Variants in FAT3 observed in about 807,000 individuals in gnomAD.
FAT3 encodes the protein FAT atypical cadherin 3, also known as protocadherin Fat 3.
Under a neutral mutation model 310.2 loss-of-function variants are expected in FAT3, and 95 were observed. The observed-to-expected ratio is 0.31, with a 90% confidence interval of 0.26 to 0.36. FAT3 has a LOEUF of 0.36. Ranked by LOEUF, FAT3 falls within the 10% of genes least tolerant of loss-of-function variation. The pLI, the probability that FAT3 is intolerant of heterozygous loss-of-function variation, is 1.00. For missense variants in FAT3, 5,408 were observed against 5,715.6 expected (o/e 0.95, Z 1.74); for synonymous variants, 2,314 against 2,192.9 (o/e 1.06, Z -1.54).
At chr11:92,281,946 C>A (rs1222542372) in intron 1 of FAT3, among the ~76,000 whole-genome samples, 2 of 152,136 alleles carry the variant, frequency 1.3e-5, no homozygotes, top group East Asian at 3.9e-4. Flanking sequence ...CTCTCTCTTG[C>A]CCAGACTAGA....
intron 3 of FAT3, among the ~76,000 whole-genome samples, chr11:92,564,478 C>T (rs901809664): frequency 1.8e-4 from 27 of 150,734 alleles, no homozygotes; most frequent in Non-Finnish European, 3.1e-4. Context: ...GACAGATCAA[C>T]GAGACAGAAA....
chr11:92,563,444 T>G (rs960202883), intron 3 of FAT3, among the ~76,000 whole-genome samples: 9 of 152,196 alleles, frequency 5.9e-5, no homozygotes, highest in African/African-American at 2.2e-4. Flanking sequence ...TTAGTCAACT[T>G]CAGACACTAC....
chr11:92,561,677 G>A (rs1423339572), intron 3 of FAT3, among the ~76,000 whole-genome samples: 7 of 151,898 alleles, frequency 4.6e-5, no homozygotes, highest in Non-Finnish European at 8.8e-5. Flanking sequence ...CCAGGCTGGA[G>A]TGCAGTGGCA....
At chr11:92,435,741 A>G (rs1950922508) in intron 2 of FAT3, among the ~76,000 whole-genome samples, 1 of 151,524 alleles carries the variant, frequency 6.6e-6, no homozygotes, top group Non-Finnish European at 1.5e-5. Flanking sequence ...TAATTGTTGT[A>G]TTTTTAGTAG....
chr11:92,801,075 A>G lies in FAT3; in HGVS notation c.8062A>G (p.Lys2688Glu). The G allele has an allele frequency of 3.1e-6, 5 of 1,613,872 alleles. No homozygotes were observed. Among genetic ancestry groups the G allele is most frequent in the Non-Finnish European group, 4.2e-6 (5 of 1,179,852 alleles). The change falls in exon 10 of 28, where the codon AAG (lysine) becomes GAG (glutamate). Residue 2688 changes from lysine to glutamate, a missense_variant. By Grantham distance (56) the Lys-to-Glu change is moderately conservative. Around this residue, in one of 5 missense-constraint regions of FAT3, gnomAD observed 4,588 missense variants for 4,809.8 expected, o/e 0.95. Transcript: ENST00000525166. ...VKAVDGGIPV[K>E]HSLIPVYIHV... ...AGCAGTAGATGGGGGCATCCCAGTA[A>G]AGCACTCCCTCATTCCTGTCTATAT...
intron 3 of FAT3, among the ~76,000 whole-genome samples, chr11:92,527,846 T>TACATAGATACATAGAC (rs1360848308): frequency 2.0e-5 from 3 of 152,156 alleles, no homozygotes; most frequent in Admixed American, 6.5e-5. Context: ...CATAGATAGA[T>TACATAGATACATAGAC]ACATAGATAC....
chr11:92,806,419 G>A lies in FAT3; in HGVS notation c.9151G>A (p.Val3051Ile). 1 of 1,592,544 alleles carries A rather than the reference G, an allele frequency of 6.3e-7. No homozygotes were observed. The highest frequency in any genetic ancestry group is 8.6e-7 in the Non-Finnish European group (1 of 1,168,314). The change falls in exon 12 of 28, where the codon GTC (valine) becomes ATC (isoleucine). Residue 3051 changes from valine to isoleucine, a missense_variant. By Grantham distance (29) the Val-to-Ile change is conservative. Around this residue, in one of 5 missense-constraint regions of FAT3, gnomAD observed 4,588 missense variants for 4,809.8 expected, o/e 0.95. Transcript: ENST00000525166. ...DIPSNKIILK[V>I]SAKDADIGSN... Reference sequence around the variant, plus strand: ...TCCATCAAATAAAATCATCCTGAAAGTCAGTGCAAAGGATGCTGATATTGG... The same window carrying A: ...TCCATCAAATAAAATCATCCTGAAAATCAGTGCAAAGGATGCTGATATTGG...
chr11:92,876,648 T>C (rs1343159754), intron 22 of FAT3, among the ~76,000 whole-genome samples: 1 of 152,208 alleles, frequency 6.6e-6, no homozygotes, highest in Non-Finnish European at 1.5e-5. Context: ...CTGCATAGTC[T>C]CCTCCACTTG....
chr11:92,685,540 G>A (rs187926135), intron 3 of FAT3, among the ~76,000 whole-genome samples: 6 of 151,212 alleles, frequency 4.0e-5, no homozygotes, highest in East Asian at 1.9e-4. Flanking sequence ...GTGCACACGC[G>A]TACATACACA....
Position 92,542,840 on chromosome 11 carries a change from A to G in FAT3, c.3607+17892A>G, listed in dbSNP as rs919475267. Among the ~76,000 whole-genome samples the G allele has an allele frequency of 4.1e-4, 63 of 152,130 alleles. 1 individual carries two copies. The highest frequency in any genetic ancestry group is 4.1e-3 in the Admixed American group (62 of 15,248). On this transcript the variant is annotated intron_variant, in intron 3 of 27. Transcript: ENST00000525166. ...TACTACTGGATAGATATCCAAGAGAAATGAAATCGGTATATTGAAGAGATA... is the reference window on the plus strand; with the variant it reads ...TACTACTGGATAGATATCCAAGAGAGATGAAATCGGTATATTGAAGAGATA...
chr11:92,809,979 C>T lies in FAT3; in HGVS notation c.9384C>T (p.Pro3128=), dbSNP rs758733582. The T allele has an allele frequency of 6.2e-7, 1 of 1,613,914 alleles. No homozygotes were observed. Among genetic ancestry groups the T allele is most frequent in the Non-Finnish European group, 8.5e-7 (1 of 1,179,838 alleles). Residue 3128 remains proline (P), a synonymous_variant, in exon 13 of 28, where the codon CCC becomes CCT. Coordinates refer to ENST00000525166, the MANE Select transcript of FAT3 (RefSeq NM_001367949.2). Reference sequence around the variant, plus strand: ...TCCTGGAGGATGTGAATGATAACCCCCCTGTGTTTTCTTCTGACCACTACA... The same window carrying T: ...TCCTGGAGGATGTGAATGATAACCCTCCTGTGTTTTCTTCTGACCACTACA... ...HLILEDVNDN[P]PVFSSDHYNT...
intron 3 of FAT3, among the ~76,000 whole-genome samples, chr11:92,589,013 T>A (rs1939292285): frequency 6.6e-6 from 1 of 152,062 alleles, no homozygotes; most frequent in Non-Finnish European, 1.5e-5. Flanking sequence ...AGAGTACATG[T>A]TGATTGGGTG....
At chr11:92,475,346 G>A (rs1220471198) in intron 2 of FAT3, among the ~76,000 whole-genome samples, 1 of 152,074 alleles carries the variant, frequency 6.6e-6, no homozygotes, top group Non-Finnish European at 1.5e-5. Context: ...TGACCATTTT[G>A]TTTGGGCTGT....
intron 3 of FAT3, among the ~76,000 whole-genome samples, chr11:92,591,673 A>G (rs1432723397): frequency 6.6e-6 from 1 of 152,182 alleles, no homozygotes; most frequent in Non-Finnish European, 1.5e-5. Context: ...AACTATAAGC[A>G]TACCAGCTAT....
chr11:92,848,424 G>A (rs1185872277), intron 19 of FAT3, among the ~76,000 whole-genome samples: 1 of 152,154 alleles, frequency 6.6e-6, no homozygotes, highest in Non-Finnish European at 1.5e-5. Flanking sequence ...TAAATTAATT[G>A]AGGATGATAG....
intron 7 of FAT3, among the ~76,000 whole-genome samples, chr11:92,780,447 G>A (rs188475989): frequency 1.4e-4 from 21 of 152,210 alleles, no homozygotes; most frequent in Non-Finnish European, 2.2e-4. Context: ...ATAGATAGGC[G>A]TGAGGCACTG....
intron 3 of FAT3, among the ~76,000 whole-genome samples, chr11:92,566,240 T>C (rs1955437044): frequency 6.6e-6 from 1 of 152,026 alleles, no homozygotes; most frequent in African/African-American, 2.4e-5. Flanking sequence ...TATACACCAA[T>C]AACAGACAAA....
chr11:92,641,150 G>T (rs1317239584), intron 3 of FAT3, among the ~76,000 whole-genome samples: 1 of 152,092 alleles, frequency 6.6e-6, no homozygotes, highest in Non-Finnish European at 1.5e-5. Flanking sequence ...AGCCAAGATT[G>T]TACCACTGCA....
intron 3 of FAT3, among the ~76,000 whole-genome samples, chr11:92,541,726 C>A (rs2135412907): frequency 6.6e-6 from 1 of 152,176 alleles, no homozygotes; most frequent in Admixed American, 6.5e-5. Context: ...GCCCTCCTAC[C>A]TCTGTGAAAC....
Sources: gnomAD v4.1 joint callset for allele counts (sites outside exome capture counted in the v4.1 genomes callset) on GRCh38, gnomAD v4.1.1 for gene constraint, gnomAD v4.1.1 regional missense constraint, MANE v1.5 for transcripts, NCBI Gene and HGNC (gene_info 2026-07-23, HGNC 2026-07-21) for gene names.